The following LINGO2 variants were observed in gnomAD, a reference collection of about 807,000 sequenced individuals.
The protein encoded by LINGO2 is leucine rich repeat and Ig domain containing 2.
Under a neutral mutation model 30.6 loss-of-function variants are expected in LINGO2, and 14 were observed. The observed-to-expected ratio is 0.46, with a 90% confidence interval of 0.30 to 0.72. The LOEUF (loss-of-function observed/expected upper bound fraction) is 0.72. Ranked by LOEUF, LINGO2 falls within the 30% of genes least tolerant of loss-of-function variation. The pLI, the probability that LINGO2 is intolerant of heterozygous loss-of-function variation, is 0.07. For synonymous variants in LINGO2, 317 were observed against 288.5 expected (o/e 1.10, Z -1.00); for missense variants, 729 against 751.7 (o/e 0.97, Z 0.35).
At chr9:28,203,136 T>A (rs1820294545) in intron 4 of LINGO2, among the ~76,000 whole-genome samples, 1 of 152,166 alleles carries the variant, frequency 6.6e-6, no homozygotes. Flanking sequence ...AACATAGCAA[T>A]ATGCAGTGAA....
At chr9:28,020,129 G>A (rs1823040119) in intron 4 of LINGO2, among the ~76,000 whole-genome samples, 1 of 152,090 alleles carries the variant, frequency 6.6e-6, no homozygotes, top group South Asian at 2.1e-4. Context: ...AGCCATCTCT[G>A]CGTTAACATT....
At chr9:28,020,236 T>TA (rs1255947276) in intron 4 of LINGO2, among the ~76,000 whole-genome samples, 1 of 152,186 alleles carries the variant, frequency 6.6e-6, no homozygotes. Context: ...TTATCTGGTT[T>TA]CAGTGTTAGG....
chr9:28,093,415 C>T (rs1826154757), intron 4 of LINGO2, among the ~76,000 whole-genome samples: 3 of 151,990 alleles, frequency 2.0e-5, no homozygotes, highest in Admixed American at 6.6e-5. Context: ...CAGTGTAACT[C>T]GCTTTCAGCA....
chr9:28,017,738 G>C (rs1382130368), intron 4 of LINGO2, among the ~76,000 whole-genome samples: 1 of 152,152 alleles, frequency 6.6e-6, no homozygotes, highest in Non-Finnish European at 1.5e-5. Flanking sequence ...AACATTCCAT[G>C]CTCATGGATA....
chr9:29,031,357 A>G, the LINGO2 span, among the ~76,000 whole-genome samples: 2 of 151,916 alleles, frequency 1.3e-5, no homozygotes, highest in Non-Finnish European at 2.9e-5. Context: ...ATCTCGGCCC[A>G]CTGTAACCTC....
the LINGO2 span, among the ~76,000 whole-genome samples, chr9:28,876,320 T>C: frequency 1.3e-5 from 2 of 152,086 alleles, no homozygotes; most frequent in Admixed American, 6.6e-5. Flanking sequence ...TACATATGTA[T>C]ACATGTGCCA....
rs1587577688 is a variant in LINGO2 at position 28,380,052 on chromosome 9, C to G, written c.-278-7184G>C. On this transcript the variant is annotated intron_variant, in intron 2 of 5. Transcript: ENST00000379992. ...CTTTTTATTTACAGATTATTTATGT[C>G]CTCTTTGCTGCTACAGTAGCAGAGT... Among the ~76,000 whole-genome samples the G allele has an allele frequency of 2.0e-5, 3 of 152,132 alleles. No individual in the cohort carries two copies. In the South Asian group the frequency reaches 6.2e-4, roughly 32 times the overall value.
the LINGO2 span, among the ~76,000 whole-genome samples, chr9:28,779,252 T>C: frequency 3.3e-5 from 5 of 152,178 alleles, no homozygotes; most frequent in Non-Finnish European, 4.4e-5. Context: ...TTGACTAATA[T>C]ACATTTCCAT....
the LINGO2 span, among the ~76,000 whole-genome samples, chr9:29,197,643 T>C: frequency 1.3e-5 from 2 of 152,018 alleles, no homozygotes; most frequent in South Asian, 4.1e-4. Flanking sequence ...AATTTAAACT[T>C]TTATAGTGAA....
chr9:28,141,226 T>C (rs528716533), intron 4 of LINGO2, among the ~76,000 whole-genome samples: 3 of 152,370 alleles, frequency 2.0e-5, no homozygotes, highest in African/African-American at 7.2e-5. Flanking sequence ...GTTATGGGTC[T>C]GGCCCTCACT....
At chr9:28,395,284 GA>G (rs143327989) in intron 2 of LINGO2, among the ~76,000 whole-genome samples, 5,498 of 151,808 alleles carry the variant, frequency 0.036, 324 homozygotes, top group African/African-American at 0.12. Context: ...AACTCAAGTC[GA>G]AAAAAAATGT....
At chr9:29,069,010 T>A in the LINGO2 span, among the ~76,000 whole-genome samples, 1 of 151,892 alleles carries the variant, frequency 6.6e-6, no homozygotes, top group East Asian at 1.9e-4. Flanking sequence ...CCAGGCTACA[T>A]CTGAGTTTTG....
the LINGO2 span, among the ~76,000 whole-genome samples, chr9:28,981,929 T>G: frequency 6.6e-6 from 1 of 152,140 alleles, no homozygotes; most frequent in East Asian, 1.9e-4. Flanking sequence ...CAGATGTGAT[T>G]CTGCCTTCCT....
the LINGO2 span, among the ~76,000 whole-genome samples, chr9:28,744,796 C>T: frequency 1.3e-5 from 2 of 151,638 alleles, no homozygotes; most frequent in African/African-American, 4.9e-5. Flanking sequence ...GCCACCATGC[C>T]CAGCTAATTT....
At chr9:27,962,156 C>T (rs544766947) in intron 5 of LINGO2, among the ~76,000 whole-genome samples, 57 of 152,198 alleles carry the variant, frequency 3.7e-4, no homozygotes, top group Middle Eastern at 3.4e-3. Flanking sequence ...TTATGATGTA[C>T]TTCATACTTT....
intron 4 of LINGO2, among the ~76,000 whole-genome samples, chr9:28,276,415 C>T (rs1823116850): frequency 1.3e-5 from 2 of 152,152 alleles, no homozygotes; most frequent in South Asian, 2.1e-4. Context: ...TCCTTCATTA[C>T]TCCATGTCTC....
chr9:28,416,466 T>G (rs1412011200), intron 2 of LINGO2, among the ~76,000 whole-genome samples: 3 of 151,964 alleles, frequency 2.0e-5, no homozygotes, highest in African/African-American at 7.3e-5. Flanking sequence ...TCACTATCAC[T>G]TAAAATAGAT....
chr9:28,622,353 T>G (rs2135831493), intron 1 of LINGO2, among the ~76,000 whole-genome samples: 1 of 151,910 alleles, frequency 6.6e-6, no homozygotes, highest in Non-Finnish European at 1.5e-5. Context: ...CTCTGTCCAT[T>G]TACTTGTTTT....
chr9:29,040,965 A>G, the LINGO2 span, among the ~76,000 whole-genome samples: 1 of 152,016 alleles, frequency 6.6e-6, no homozygotes, highest in African/African-American at 2.4e-5. Context: ...TTGTGTCCTA[A>G]GACCTAAGCT....
Sources: gnomAD v4.1 joint callset for allele counts (sites outside exome capture counted in the v4.1 genomes callset) on GRCh38, gnomAD v4.1.1 for gene constraint, MANE v1.5 for transcripts, NCBI Gene and HGNC (gene_info 2026-07-23, HGNC 2026-07-21) for gene names.